Variants in MYO1E observed in about 807,000 individuals in gnomAD.
The protein encoded by MYO1E is unconventional myosin-Ie.
A neutral mutation model predicts 151.1 loss-of-function variants in MYO1E; 68 were observed. The ratio of observed to expected loss-of-function variants is 0.45; its 90% CI spans 0.37 to 0.55. The LOEUF is 0.55. MYO1E is among the 20% of genes least tolerant of loss of function. The pLI, the probability that MYO1E is intolerant of heterozygous loss-of-function variation, is 0.00. For missense variants in MYO1E, 1,363 were observed against 1,389.3 expected, an observed-to-expected ratio of 0.98 and a Z score of 0.30; for synonymous variants, 601 against 501.7, an observed-to-expected ratio of 1.20 and a Z score of -2.64.
At chr15:59,279,905 C>T (rs1344398811) in intron 1 of MYO1E, among the ~76,000 whole-genome samples, 1 of 152,122 alleles carries the variant, frequency 6.6e-6, no homozygotes, top group Non-Finnish European at 1.5e-5. Context: ...TCTCAGTGTA[C>T]TTTCTGCACT....
At chr15:59,191,346 G>C (rs1205429263) in intron 17 of MYO1E, among the ~76,000 whole-genome samples, 6 of 149,002 alleles carry the variant, frequency 4.0e-5, no homozygotes, top group East Asian at 1.9e-4. Context: ...GAGAGAGAGA[G>C]AGAGAGAGAG....
At chr15:59,210,311 C>G (rs1257446462) in intron 13 of MYO1E, among the ~76,000 whole-genome samples, 1 of 149,514 alleles carries the variant, frequency 6.7e-6, no homozygotes, top group Admixed American at 6.6e-5. Flanking sequence ...TGACATTTTA[C>G]TCATATCCAC....
intron 1 of MYO1E, among the ~76,000 whole-genome samples, chr15:59,276,649 ATAATAG>A (rs1170628658): frequency 2.0e-5 from 3 of 152,224 alleles, no homozygotes; most frequent in African/African-American, 2.4e-5. Context: ...CCCTATCCAC[ATAATAG>A]CCTGGTTTGT....
rs36068203 is a variant in MYO1E at position 59,159,319 on chromosome 15, C to T, written c.2786-940G>A. 0.011 allele frequency among the ~76,000 whole-genome samples: 1,627 copies of T among 152,328 alleles called. 20 individuals are homozygous for T. Among genetic ancestry groups the T allele is most frequent in the East Asian group, 0.037 (190 of 5,180 alleles). On this transcript the variant is annotated intron_variant, in intron 24 of 27. Coordinates refer to ENST00000288235, the MANE Select transcript of MYO1E (RefSeq NM_004998.4). The surrounding 1 kb of genome is among the most constrained non-coding windows in gnomAD (Gnocchi z 4.4). Reference sequence around the variant, plus strand: ...CAACACCTATTGGGCAATTTCCCCTCGGGGGCCCGCCGCACAAACATAGCC... The same window carrying T: ...CAACACCTATTGGGCAATTTCCCCTTGGGGGCCCGCCGCACAAACATAGCC...
intron 1 of MYO1E, among the ~76,000 whole-genome samples, chr15:59,288,000 G>A (rs536043011): frequency 1.1e-4 from 16 of 152,342 alleles, no homozygotes; most frequent in South Asian, 2.1e-4. Flanking sequence ...GGCGCTCAGC[G>A]AGCCTGCCAT....
intron 1 of MYO1E, among the ~76,000 whole-genome samples, chr15:59,311,667 TTATGA>T (rs2080553065): frequency 6.6e-6 from 1 of 152,156 alleles, no homozygotes; most frequent in Non-Finnish European, 1.5e-5. Flanking sequence ...ATAGGCAACG[TTATGA>T]TTTAAACGTG....
Position 59,144,946 on chromosome 15 carries a change from C to T in MYO1E, c.3081-6579G>A, listed in dbSNP as rs546109614. On this transcript the variant is annotated intron_variant, in intron 26 of 27. Coordinates refer to ENST00000288235, the MANE Select transcript of MYO1E (RefSeq NM_004998.4). ...GCAACCTCCACCTCCTGGGTTCAAG[C>T]GATTCTCCTGCCTCAGCCTCCTAAG... Among the ~76,000 whole-genome samples the T allele has an allele frequency of 4.6e-5, 7 of 152,254 alleles. No individual in the cohort carries two copies. In the South Asian group the frequency reaches 8.3e-4, roughly 18 times the overall value.
chr15:59,153,801 G>C lies in MYO1E; in HGVS notation c.2879-10C>G, dbSNP rs1439330906. ...CCGTTCTGATGGTATCCTAGAGAGAGGAACAGAGAAGGAAATAAGGCTCAG... is the reference window on the plus strand; with the variant it reads ...CCGTTCTGATGGTATCCTAGAGAGACGAACAGAGAAGGAAATAAGGCTCAG... On this transcript the variant is annotated splice_polypyrimidine_tract_variant and intron_variant, in intron 25 of 27. Transcript: ENST00000288235. 6.2e-7 allele frequency: 1 copy of C among 1,609,698 alleles called. No individual in the cohort carries two copies. Among genetic ancestry groups the C allele is most frequent in the East Asian group, 2.2e-5 (1 of 44,860 alleles).
chr15:59,174,804 GATA>G (rs1293407887), intron 19 of MYO1E, among the ~76,000 whole-genome samples: 1 of 152,024 alleles, frequency 6.6e-6, no homozygotes, highest in Non-Finnish European at 1.5e-5. Context: ...CGGAGCAGAG[GATA>G]ATAACCACAG....
At chr15:59,287,947 T>C (rs1170072932) in intron 1 of MYO1E, among the ~76,000 whole-genome samples, 2 of 152,214 alleles carry the variant, frequency 1.3e-5, no homozygotes, top group African/African-American at 4.8e-5. Flanking sequence ...TTAAAGTAGA[T>C]GATAGTCATA....
rs372261850 is a variant in MYO1E at position 59,370,479 on chromosome 15, C to T, written c.3+2019G>A. Among the ~76,000 whole-genome samples, 134 of 152,332 alleles carry T rather than the reference C, an allele frequency of 8.8e-4. 1 individual carries two copies. The highest frequency in any genetic ancestry group is 2.9e-3 in the African/African-American group (121 of 41,586). ...CAGCCAGCTGTTTCAACTTTTCCAT[C>T]AGTGAATTGTGACTTCAGCAACCAT... On this transcript the variant is annotated intron_variant, in intron 1 of 27. Transcript: ENST00000288235.
chr15:59,142,081 T>C (rs1424335967), intron 26 of MYO1E, among the ~76,000 whole-genome samples: 1 of 151,796 alleles, frequency 6.6e-6, no homozygotes, highest in East Asian at 1.9e-4. Flanking sequence ...CACTCCAGCC[T>C]GGGAAACGGA....
intron 26 of MYO1E, among the ~76,000 whole-genome samples, chr15:59,150,663 C>G (rs2079470181): frequency 6.7e-6 from 1 of 149,296 alleles, no homozygotes; most frequent in African/African-American, 2.5e-5. Context: ...GCAAAAATCC[C>G]ATAAACCTAA....
intron 1 of MYO1E, among the ~76,000 whole-genome samples, chr15:59,335,918 TTTCC>T (rs1198705672): frequency 4.3e-4 from 65 of 152,096 alleles, no homozygotes; most frequent in African/African-American, 1.5e-3. Context: ...TTCTGATGCC[TTTCC>T]AATGAGAACC....
intron 1 of MYO1E, among the ~76,000 whole-genome samples, chr15:59,342,982 G>A (rs1381350131): frequency 2.6e-5 from 4 of 152,088 alleles, no homozygotes; most frequent in Admixed American, 2.0e-4. Context: ...GCCTTGAAAA[G>A]TTATTATTTT....
intron 9 of MYO1E, 27 bp from the exon 10 acceptor site, chr15:59,218,114 A>C: frequency 6.2e-7 from 1 of 1,611,654 alleles, no homozygotes; most frequent in Non-Finnish European, 8.5e-7. Flanking sequence ...AAAACATGAC[A>C]ATCTTTCAGA....
chr15:59,284,215 T>G (rs2080373846), intron 1 of MYO1E, among the ~76,000 whole-genome samples: 1 of 152,240 alleles, frequency 6.6e-6, no homozygotes, highest in African/African-American at 2.4e-5. Context: ...CACAACATGT[T>G]TGCTGTAGGT....
chr15:59,347,325 A>C (rs1253164466), intron 1 of MYO1E, among the ~76,000 whole-genome samples: 2 of 152,206 alleles, frequency 1.3e-5, no homozygotes, highest in African/African-American at 2.4e-5. Flanking sequence ...GTTTTCTCCC[A>C]AAACCATCCC....
intron 26 of MYO1E, among the ~76,000 whole-genome samples, chr15:59,147,596 C>CAAAAAAAAAAAAAAAAAAAAAA (rs748173480): frequency 1.5e-4 from 10 of 66,102 alleles, no homozygotes; most frequent in Admixed American, 2.5e-4. Flanking sequence ...GACTCTGTCT[C>CAAAAAAAAAAAAAAAAAAAAAA]AAAAAAAAAA....
Sources: gnomAD v4.1 joint callset for allele counts (sites outside exome capture counted in the v4.1 genomes callset) on GRCh38, gnomAD v4.1.1 for gene constraint, Gnocchi (gnomAD v3.1) non-coding constraint, MANE v1.5 for transcripts, NCBI Gene and HGNC (gene_info 2026-07-23, HGNC 2026-07-21) for gene names.